The following WDPCP variants were observed in gnomAD, a reference collection of about 807,000 sequenced individuals.
WDPCP encodes WD repeat-containing and planar cell polarity effector protein fritz homolog.
In WDPCP, 71 loss-of-function variants were observed where a neutral mutation model predicts 93.1. The ratio of observed to expected loss-of-function variants is 0.76; its 90% CI spans 0.63 to 0.93. The LOEUF is 0.93. Among genes scored for constraint, WDPCP ranks in the 40% least tolerant of loss-of-function variants. WDPCP has a pLI of 0.00. For synonymous variants in WDPCP, 315 were observed against 315.0 expected (o/e 1.00, Z 0.00); for missense variants, 844 against 887.4 (o/e 0.95, Z 0.62).
At chr2:63,718,739 A>G (rs1669372337) in intron 2 of WDPCP, among the ~76,000 whole-genome samples, 1 of 152,178 alleles carries the variant, frequency 6.6e-6, no homozygotes, top group Admixed American at 6.5e-5. Context: ...TGCTTTGTAG[A>G]AGTCTGTAAA....
In WDPCP at chr2:63,588,204, G is replaced by A. The variant is rs141340867; in HGVS notation, c.68C>T (p.Pro23Leu). ...AAGSRASSPL[P>L]RQDRDSFCHQ... ...CCTCGGGCCAGGGCTCACCTGTCTC[G>A]GGAGTGGGGAAGAAGCGCGACTCCC... The change falls in exon 1 of 18, where the codon CCG (proline) becomes CTG (leucine). Residue 23 changes from proline (P) to leucine (L), a missense_variant. By Grantham distance (98) the Pro-to-Leu change is moderately conservative. Coordinates refer to ENST00000272321, the MANE Select transcript of WDPCP (RefSeq NM_015910.7). 7 of 1,568,786 alleles carry A rather than the reference G, an allele frequency of 4.5e-6. No individual in the cohort carries two copies. The highest frequency in any genetic ancestry group is 6.1e-6 in the Non-Finnish European group (7 of 1,154,614).
intron 12 of WDPCP, among the ~76,000 whole-genome samples, chr2:63,337,731 A>T (rs1688488992): frequency 6.6e-6 from 1 of 152,068 alleles, no homozygotes; most frequent in Non-Finnish European, 1.5e-5. Context: ...TGTGGTTTTG[A>T]TTTGCATTTC....
At chr2:63,762,424 A>ATGCCAATAAACT (rs1405645470) in intron 2 of WDPCP, among the ~76,000 whole-genome samples, 2 of 152,050 alleles carry the variant, frequency 1.3e-5, no homozygotes, top group Non-Finnish European at 2.9e-5. Flanking sequence ...CTTTCAGATT[A>ATGCCAATAAACT]TGCCAATAAA....
intron 17 of WDPCP, among the ~76,000 whole-genome samples, chr2:63,132,255 G>A (rs1342656518): frequency 6.6e-6 from 1 of 151,780 alleles, no homozygotes. Flanking sequence ...TTCTCTTGTA[G>A]CTCTCAAGAT....
At chr2:63,812,057 G>C (rs1670870688) in intron 2 of WDPCP, among the ~76,000 whole-genome samples, 1 of 151,922 alleles carries the variant, frequency 6.6e-6, no homozygotes. Context: ...TAGAGACGGG[G>C]TTTTGTCATG....
chr2:63,814,590 T>C (rs1318931327), intron 1 of WDPCP, among the ~76,000 whole-genome samples: 2 of 152,216 alleles, frequency 1.3e-5, no homozygotes, highest in African/African-American at 4.8e-5. Context: ...ATTCTGTTAC[T>C]TATAGTTGAA....
intron 3 of WDPCP, among the ~76,000 whole-genome samples, chr2:63,617,706 T>C (rs1709687578): frequency 1.3e-5 from 2 of 152,332 alleles, no homozygotes; most frequent in South Asian, 2.1e-4. Flanking sequence ...CTGGAACAAA[T>C]ACCTTTACTA....
intron 1 of WDPCP, among the ~76,000 whole-genome samples, chr2:63,550,534 C>G (rs1309073093): frequency 6.6e-6 from 1 of 151,940 alleles, no homozygotes; most frequent in Non-Finnish European, 1.5e-5. Context: ...TTTCTGACCA[C>G]TTTTCCTTAA....
intron 14 of WDPCP, among the ~76,000 whole-genome samples, chr2:63,238,313 A>T (rs1205432269): frequency 6.6e-6 from 1 of 152,168 alleles, no homozygotes; most frequent in Non-Finnish European, 1.5e-5. Flanking sequence ...TGCAGTTTCC[A>T]ATATGGTAGA....
chr2:63,795,436 C>T (rs142973930), intron 2 of WDPCP, among the ~76,000 whole-genome samples: 175 of 150,368 alleles, frequency 1.2e-3, no homozygotes, highest in African/African-American at 4.2e-3. Flanking sequence ...GAGGGTGAGG[C>T]AGGAGGATCA....
chr2:63,289,984 C>T (rs957199072), intron 13 of WDPCP, among the ~76,000 whole-genome samples: 1 of 151,752 alleles, frequency 6.6e-6, no homozygotes, highest in East Asian at 1.9e-4. Context: ...CCCTTATACA[C>T]CAAACATAAT....
At chr2:63,663,397 A>G (rs996097374) in intron 2 of WDPCP, among the ~76,000 whole-genome samples, 4 of 152,202 alleles carry the variant, frequency 2.6e-5, no homozygotes, top group South Asian at 4.1e-4. Flanking sequence ...CTCCTTCTCT[A>G]TCTTAGGACT....
chr2:63,444,018 C>A (rs1697671796), intron 6 of WDPCP, among the ~76,000 whole-genome samples: 1 of 152,032 alleles, frequency 6.6e-6, no homozygotes, highest in Non-Finnish European at 1.5e-5. Context: ...TGTGTCTGAA[C>A]TTCATGGGGG....
At chr2:63,312,827 C>G (rs1245464253) in intron 13 of WDPCP, among the ~76,000 whole-genome samples, 1 of 152,042 alleles carries the variant, frequency 6.6e-6, no homozygotes, top group Non-Finnish European at 1.5e-5. Context: ...CTTTGTTACT[C>G]TACACTAAAA....
intron 2 of WDPCP, among the ~76,000 whole-genome samples, chr2:63,693,484 T>TAGATAGAA (rs1290992789): frequency 2.0e-5 from 3 of 147,320 alleles, no homozygotes; most frequent in Non-Finnish European, 3.0e-5. Context: ...GATAGATAGA[T>TAGATAGAA]AGAATTTAAT....
At chr2:63,503,724 G>A (rs571927190) in intron 1 of WDPCP, among the ~76,000 whole-genome samples, 10 of 151,916 alleles carry the variant, frequency 6.6e-5, no homozygotes, top group South Asian at 2.1e-4. Context: ...TTGAAAAAAC[G>A]TAACTTTGAA....
the WDPCP span, among the ~76,000 whole-genome samples, chr2:63,836,886 G>C: frequency 2.0e-5 from 3 of 152,310 alleles, no homozygotes; most frequent in South Asian, 2.1e-4. Flanking sequence ...TGTATGTTTT[G>C]ATTAAACATG....
intron 13 of WDPCP, among the ~76,000 whole-genome samples, chr2:63,304,703 GT>G (rs71410995): frequency 3.9e-5 from 6 of 151,982 alleles, no homozygotes; most frequent in East Asian, 1.9e-4. Flanking sequence ...AGCTGCAGGA[GT>G]TTTTTTTCAT....
intron 14 of WDPCP, among the ~76,000 whole-genome samples, chr2:63,188,196 T>C (rs942661152): frequency 1.3e-5 from 2 of 152,276 alleles, no homozygotes; most frequent in African/African-American, 2.4e-5. Context: ...TTGGAGTTCA[T>C]TGAGTTTTGA....
Sources: allele counts gnomAD v4.1 joint callset (sites outside exome capture counted in the v4.1 genomes callset), GRCh38; gene constraint gnomAD v4.1.1; transcripts MANE v1.5; gene names NCBI Gene and HGNC (gene_info 2026-07-23, HGNC 2026-07-21).